MTUS1: variants seen among roughly 807,000 people sequenced by gnomAD.
The protein encoded by MTUS1 is microtubule-associated tumor suppressor 1.
Under a neutral mutation model 120.8 loss-of-function variants are expected in MTUS1, and 109 were observed. The ratio of observed to expected loss-of-function variants is 0.90; its 90% confidence interval spans 0.77 to 1.06. The LOEUF (loss-of-function observed/expected upper bound fraction) is 1.06, where lower values mean the gene tolerates loss of function less well. Ranked by LOEUF, MTUS1 falls within the 50% of genes least tolerant of loss-of-function variation. The pLI, the probability that MTUS1 is intolerant of heterozygous loss-of-function variation, is 0.00. For missense variants in MTUS1, 2,210 were observed against 1,486.3 expected (o/e 1.49, Z -8.01); for synonymous variants, 737 against 550.5 (o/e 1.34, Z -4.74).
intron 1 of MTUS1, among the ~76,000 whole-genome samples, chr8:17,760,523 G>A (rs752471029): frequency 6.6e-5 from 10 of 152,054 alleles, no homozygotes; most frequent in Admixed American, 2.6e-4. Context: ...GACAGAAAAG[G>A]GGTGACCGGC....
intron 4 of MTUS1, among the ~76,000 whole-genome samples, chr8:17,723,002 A>C (rs2045948433): frequency 6.6e-6 from 1 of 152,220 alleles, no homozygotes; most frequent in South Asian, 2.1e-4. Context: ...ATTTTTTAGA[A>C]TAAGGGCCAT....
intron 8 of MTUS1, among the ~76,000 whole-genome samples, chr8:17,668,675 C>T (rs1039867830): frequency 6.6e-6 from 1 of 152,098 alleles, no homozygotes; most frequent in African/African-American, 2.4e-5. Flanking sequence ...TCTGACTCTG[C>T]TTTAAACTTT....
Position 17,794,457 on chromosome 8 carries a change from T to C in MTUS1, c.-155+6604A>G, listed in dbSNP as rs142724290. On this transcript the variant is annotated intron_variant, in intron 1 of 14. Coordinates refer to ENST00000693296, the MANE Select transcript of MTUS1 (RefSeq NM_001363059.2). ...TATACACTACGTATAAATGACTTGG[T>C]TCTGTATGTGGGGCCTAGATTGGGG... Among the ~76,000 whole-genome samples the C allele has an allele frequency of 4.4e-3, 664 of 152,328 alleles. 13 individuals carry two copies. The highest frequency in any genetic ancestry group is 0.015 in the East Asian group (78 of 5,194).
intron 1 of MTUS1, among the ~76,000 whole-genome samples, chr8:17,795,517 A>C (rs2052151652): frequency 6.6e-6 from 1 of 152,204 alleles, no homozygotes; most frequent in African/African-American, 2.4e-5. Context: ...ATCCATTCCT[A>C]GTCTGTTCTT....
At chr8:17,796,015 T>A (rs1490521588) in intron 1 of MTUS1, among the ~76,000 whole-genome samples, 1 of 151,912 alleles carries the variant, frequency 6.6e-6, no homozygotes, top group Admixed American at 6.6e-5. Context: ...AGTGGAGCGA[T>A]CTCAGCTCAC....
At chr8:17,734,054 A>C (rs1308216153) in intron 3 of MTUS1, 1 of 152,190 alleles carries the variant, frequency 6.6e-6, no homozygotes, top group Non-Finnish European at 1.5e-5. Context: ...CCAAAATCCT[A>C]CAGTTCTTTT....
At chr8:17,705,269 C>G (rs578098213) in intron 6 of MTUS1, among the ~76,000 whole-genome samples, 1 of 152,320 alleles carries the variant, frequency 6.6e-6, no homozygotes, top group African/African-American at 2.4e-5. Context: ...CAGGCGTGAG[C>G]CACCATGCAC....
chr8:17,737,638 C>A (rs1164211190), intron 3 of MTUS1, among the ~76,000 whole-genome samples: 1 of 152,116 alleles, frequency 6.6e-6, no homozygotes, highest in Non-Finnish European at 1.5e-5. Context: ...CAAGTGTGTG[C>A]CACTTGCCCA....
At chr8:17,777,267 T>C (rs537740154) in intron 1 of MTUS1, among the ~76,000 whole-genome samples, 16 of 151,926 alleles carry the variant, frequency 1.1e-4, no homozygotes, top group East Asian at 1.9e-4. Context: ...CAAAACTCCA[T>C]CTCTACTAAA....
At chr8:17,672,492 G>A (rs1290066643) in intron 8 of MTUS1, among the ~76,000 whole-genome samples, 1 of 152,054 alleles carries the variant, frequency 6.6e-6, no homozygotes, top group Non-Finnish European at 1.5e-5. Context: ...TTTAAAACTG[G>A]GTTCCCAACT....
At chr8:17,782,637 A>T (rs1166823732) in intron 1 of MTUS1, among the ~76,000 whole-genome samples, 1 of 152,222 alleles carries the variant, frequency 6.6e-6, no homozygotes, top group East Asian at 1.9e-4. Flanking sequence ...CTTTCCTCCA[A>T]GGCCATCATG....
chr8:17,690,645 A>G (rs566920569), intron 6 of MTUS1, among the ~76,000 whole-genome samples: 1 of 152,362 alleles, frequency 6.6e-6, no homozygotes, highest in East Asian at 1.9e-4. Flanking sequence ...AACAATAAAT[A>G]AAAAGAGAAC....
intron 1 of MTUS1, among the ~76,000 whole-genome samples, chr8:17,778,764 G>C (rs2050649779): frequency 2.6e-5 from 4 of 152,208 alleles, no homozygotes; most frequent in African/African-American, 9.6e-5. Flanking sequence ...AGCTGAGATA[G>C]CACCACTGCA....
intron 2 of MTUS1, among the ~76,000 whole-genome samples, chr8:17,750,521 G>T (rs566972047): frequency 3.2e-4 from 49 of 152,304 alleles, no homozygotes; most frequent in African/African-American, 1.1e-3. Context: ...TATGGTGTAT[G>T]GAGCAGAAAA....
intron 8 of MTUS1, among the ~76,000 whole-genome samples, chr8:17,660,495 C>T (rs201953289): frequency 1.1e-4 from 16 of 152,258 alleles, no homozygotes; most frequent in East Asian, 5.8e-4. Context: ...CTATGAACAC[C>T]GGGGGACAAA....
At chr8:17,770,960 G>C (rs2049979381) in intron 1 of MTUS1, among the ~76,000 whole-genome samples, 1 of 152,130 alleles carries the variant, frequency 6.6e-6, no homozygotes, top group Admixed American at 6.5e-5. Flanking sequence ...AAAGAAACTG[G>C]AATATTCCAG....
At chr8:17,680,789 G>C (rs928337271) in intron 7 of MTUS1, among the ~76,000 whole-genome samples, 1 of 152,106 alleles carries the variant, frequency 6.6e-6, no homozygotes, top group Non-Finnish European at 1.5e-5. Flanking sequence ...AGAGAGTATA[G>C]AATGCTCACG....
At chr8:17,759,064 G>A (rs1299217227) in intron 1 of MTUS1, among the ~76,000 whole-genome samples, 2 of 151,296 alleles carry the variant, frequency 1.3e-5, no homozygotes, top group African/African-American at 4.9e-5. Flanking sequence ...TGTATTTTTA[G>A]TAGAGATGGT....
intron 2 of MTUS1, among the ~76,000 whole-genome samples, chr8:17,750,174 AG>A (rs1395033138): frequency 6.6e-6 from 1 of 152,216 alleles, no homozygotes; most frequent in Non-Finnish European, 1.5e-5. Flanking sequence ...TTCATACATT[AG>A]GTGAATTCAA....
Sources: allele counts gnomAD v4.1 joint callset (sites outside exome capture counted in the v4.1 genomes callset), GRCh38; gene constraint gnomAD v4.1.1; transcripts MANE v1.5; gene names NCBI Gene and HGNC (gene_info 2026-07-23, HGNC 2026-07-21).